The following TRPC5 variants were observed in gnomAD, a reference collection of about 807,000 sequenced individuals.
TRPC5 encodes the protein transient receptor potential cation channel subfamily C member 5.
Under a neutral mutation model 56.5 loss-of-function variants are expected in TRPC5, and 9 were observed. The ratio of observed to expected loss-of-function variants is 0.16; its 90% CI spans 0.10 to 0.28. TRPC5 has a LOEUF of 0.28. TRPC5 is among the 10% of genes least tolerant of loss of function. TRPC5 has a pLI of 1.00. For synonymous variants in TRPC5, 282 were observed against 278.5 expected (o/e 1.01, Z -0.13); for missense variants, 469 against 748.9 (o/e 0.63, Z 4.36).
intron 1 of TRPC5, among the ~76,000 whole-genome samples, chrX:111,999,963 C>T (rs182015426): frequency 8.4e-4 from 94 of 111,485 alleles, no homozygotes; most frequent in African/African-American, 2.9e-3. Context: ...AACACTCCGT[C>T]TCAAAATAAT....
chrX:111,913,915 A>G (rs970797459), intron 2 of TRPC5, among the ~76,000 whole-genome samples: 2 of 105,724 alleles, frequency 1.9e-5, no homozygotes, highest in Non-Finnish European at 3.9e-5. Context: ...AGCCGAGATC[A>G]CGCCACTGCA....
At chrX:111,975,665 G>A (rs1402798347) in intron 1 of TRPC5, among the ~76,000 whole-genome samples, 4 of 111,620 alleles carry the variant, frequency 3.6e-5, no homozygotes, top group African/African-American at 1.3e-4. Flanking sequence ...GGGAAGCTGA[G>A]GAGGGCGGAT....
chrX:111,946,106 C>T (rs755674036), intron 2 of TRPC5, among the ~76,000 whole-genome samples: 1 of 111,901 alleles, frequency 8.9e-6, no homozygotes, highest in East Asian at 2.8e-4. Context: ...TTAGCAGAGG[C>T]TCATGTTGGG....
intron 3 of TRPC5, among the ~76,000 whole-genome samples, chrX:111,890,859 T>C (rs957628844): frequency 5.4e-5 from 6 of 111,576 alleles, no homozygotes; most frequent in African/African-American, 2.0e-4. Context: ...TCCTGATCCT[T>C]TCCCTCCTCC....
At chrX:111,834,620 T>C (rs1261760824) in intron 7 of TRPC5, among the ~76,000 whole-genome samples, 1 of 111,533 alleles carries the variant, frequency 9.0e-6, no homozygotes, top group Non-Finnish European at 1.9e-5. Context: ...TGTAGCCAAA[T>C]TGTGCTCAAA....
chrX:111,847,361 A>C lies in TRPC5; in HGVS notation c.1453T>G (p.Ser485Ala). The C allele has an allele frequency of 8.3e-7, 1 of 1,211,533 alleles. No individual in the cohort carries two copies. Among genetic ancestry groups the C allele is most frequent in the Non-Finnish European group, 1.1e-6 (1 of 895,465 alleles). The part of the protein sequence containing the change: ...TLIAEALFAI[S>A]NILSSLRLIS... ...AGACGCAACGAACTTAAAATGTTGG[A>C]TATTGCGAAGAGTGCTTCCGCAATC... The change falls in exon 6 of 11, where the codon TCC (serine) becomes GCC (alanine). Residue 485 changes from serine to alanine, a missense_variant. This residue lies in a region of TRPC5 where 157 missense variants were observed against 360.0 expected (regional missense o/e 0.44). Transcript: ENST00000262839.
Position 111,875,572 on chromosome X carries a change from CTTTTTT to C in TRPC5, c.901-21472_901-21467del, listed in dbSNP as rs771241425. On this transcript the variant is annotated intron_variant, in intron 3 of 10. Coordinates refer to ENST00000262839, the MANE Select transcript of TRPC5 (RefSeq NM_012471.3). The stretch of plus-strand genomic sequence containing the variant: ...TCTGTGATGTTTTTCTTTTTTCTTT[CTTTTTT>C]TTTTTTTTTTTTTTTGGTGTCTTCA... Among the ~76,000 whole-genome samples, 293 of 70,456 alleles carry C rather than the reference CTTTTTT, an allele frequency of 4.2e-3. 1 individual carries two copies. Among genetic ancestry groups the C allele is most frequent in the African/African-American group, 0.016 (281 of 17,229 alleles). The allele number at this position is 70,456 out of a possible 115,157, so 61.2% of individuals were successfully genotyped here.
chrX:111,802,651 C>T (rs1472531750), intron 7 of TRPC5, among the ~76,000 whole-genome samples: 1 of 110,919 alleles, frequency 9.0e-6, no homozygotes, highest in African/African-American at 3.3e-5. Flanking sequence ...AGTGGTATTA[C>T]AAGAGTGATG....
intron 7 of TRPC5, among the ~76,000 whole-genome samples, chrX:111,822,791 C>T (rs903070527): frequency 4.5e-5 from 5 of 111,739 alleles, no homozygotes; most frequent in Admixed American, 2.8e-4. Flanking sequence ...GGACATCAGC[C>T]GGTAGATGGG....
chrX:111,768,598 TC>T lies in TRPC5; in HGVS notation c.*7714del, dbSNP rs1161244974. Among the ~76,000 whole-genome samples, 1 of 112,209 alleles carries T rather than the reference TC, an allele frequency of 8.9e-6. No homozygotes were observed. The highest frequency in any genetic ancestry group is 1.9e-5 in the Non-Finnish European group (1 of 53,202). On this transcript the variant is annotated 3_prime_UTR_variant, in exon 11 of 11. Transcript: ENST00000262839. ...GATGTGTTTATCCTTATCTGAAGTG[TC>T]CTGGGGAAGGTCTGTGTCTTTACTG...
At chrX:111,852,992 A>G (rs1923127482) in intron 4 of TRPC5, among the ~76,000 whole-genome samples, 1 of 111,136 alleles carries the variant, frequency 9.0e-6, no homozygotes, top group Non-Finnish European at 1.9e-5. Flanking sequence ...ACCTGATGAC[A>G]TAGATGTTTC....
chrX:111,809,881 TG>T (rs1434445877), intron 7 of TRPC5, among the ~76,000 whole-genome samples: 36 of 108,546 alleles, frequency 3.3e-4, no homozygotes, highest in African/African-American at 1.2e-3. Context: ...GTCTTCATTT[TG>T]TTTTTTTTTT....
At chrX:111,955,152 AT>A (rs1363531718) in intron 1 of TRPC5, among the ~76,000 whole-genome samples, 8 of 112,076 alleles carry the variant, frequency 7.1e-5, no homozygotes, top group African/African-American at 2.6e-4. Context: ...TCCAGTTTTA[AT>A]TTTCATCTCT....
At chrX:111,992,189 T>C (rs1207374866) in intron 1 of TRPC5, among the ~76,000 whole-genome samples, 1 of 112,262 alleles carries the variant, frequency 8.9e-6, no homozygotes, top group Non-Finnish European at 1.9e-5. Flanking sequence ...GGGCACAGGG[T>C]AAGACTAGAA....
chrX:111,806,040 A>AT (rs1279643679), intron 7 of TRPC5, among the ~76,000 whole-genome samples: 1,279 of 3,212 alleles, frequency 0.4, 10 homozygotes, highest in Middle Eastern at 0.67. Flanking sequence ...ATACAAAAGC[A>AT]TTTAAAAAAT....
At chrX:111,970,256 T>C (rs896758970) in intron 1 of TRPC5, among the ~76,000 whole-genome samples, 4 of 111,833 alleles carry the variant, frequency 3.6e-5, no homozygotes, top group African/African-American at 1.3e-4. Flanking sequence ...CTATTATTCT[T>C]CAAAGATGCT....
chrX:112,017,303 G>A (rs1200303967), intron 1 of TRPC5, among the ~76,000 whole-genome samples: 3 of 111,135 alleles, frequency 2.7e-5, no homozygotes, highest in Non-Finnish European at 3.8e-5. Flanking sequence ...GTGAGCCACC[G>A]CGCCCAGCCA....
Position 111,768,578 on chromosome X carries a change from G to A in TRPC5, c.*7735C>T, listed in dbSNP as rs1402358948. 8.9e-6 allele frequency among the ~76,000 whole-genome samples: 1 copy of A among 111,962 alleles called. No individual in the cohort carries two copies. The highest frequency in any genetic ancestry group is 3.2e-5 in the African/African-American group (1 of 30,854). On this transcript the variant is annotated 3_prime_UTR_variant, in exon 11 of 11. Transcript: ENST00000262839. ...AAATGTATTTGCTTGAGAAGGATGTGTTTATCCTTATCTGAAGTGTCCTGG... is the reference window on the plus strand; with the variant it reads ...AAATGTATTTGCTTGAGAAGGATGTATTTATCCTTATCTGAAGTGTCCTGG...
intron 3 of TRPC5, among the ~76,000 whole-genome samples, chrX:111,895,401 G>T (rs368805501): frequency 2.0e-4 from 22 of 111,782 alleles, no homozygotes; most frequent in African/African-American, 7.1e-4. Context: ...GTATTGATTT[G>T]TAGTTTAAAA....
Sources: allele counts gnomAD v4.1 joint callset (sites outside exome capture counted in the v4.1 genomes callset), GRCh38; gene constraint gnomAD v4.1.1; regional missense constraint gnomAD v4.1.1; transcripts MANE v1.5; gene names NCBI Gene and HGNC (gene_info 2026-07-23, HGNC 2026-07-21).